Variants in PTPRM observed in about 807,000 individuals in gnomAD.
The protein encoded by PTPRM is protein tyrosine phosphatase receptor type M.
In PTPRM, 47 loss-of-function variants were observed where a neutral mutation model predicts 186.7. That is an observed-to-expected ratio of 0.25 (90% CI 0.20 to 0.32). The LOEUF is 0.32. Ranked by LOEUF, PTPRM falls within the 10% of genes least tolerant of loss-of-function variation. PTPRM has a pLI of 1.00. For missense variants in PTPRM, 1,494 were observed against 1,865.0 expected (o/e 0.80, Z 3.66); for synonymous variants, 668 against 674.9 (o/e 0.99, Z 0.16).
chr18:7,965,928 G>A (rs1303684861), intron 7 of PTPRM, among the ~76,000 whole-genome samples: 1 of 152,152 alleles, frequency 6.6e-6, no homozygotes, highest in African/African-American at 2.4e-5. Context: ...AACTTCATCT[G>A]TAAGGATAAT....
At chr18:8,355,550 G>C (rs150794155) in intron 23 of PTPRM, among the ~76,000 whole-genome samples, 4 of 152,030 alleles carry the variant, frequency 2.6e-5, no homozygotes, top group Non-Finnish European at 5.9e-5. Flanking sequence ...CAAAGGATTT[G>C]GGTGTGGAAG....
At chr18:7,699,171 T>G (rs1472165652) in intron 1 of PTPRM, among the ~76,000 whole-genome samples, 1 of 152,160 alleles carries the variant, frequency 6.6e-6, no homozygotes, top group East Asian at 1.9e-4. Flanking sequence ...AACCAATGCC[T>G]GATGATCTGA....
At chr18:7,735,179 G>A (rs2040742055) in intron 1 of PTPRM, among the ~76,000 whole-genome samples, 1 of 152,166 alleles carries the variant, frequency 6.6e-6, no homozygotes, top group South Asian at 2.1e-4. Flanking sequence ...CACTTTGAGA[G>A]GCTGAGGCAG....
chr18:7,577,800 C>T (rs963822156), intron 1 of PTPRM, among the ~76,000 whole-genome samples: 1 of 152,232 alleles, frequency 6.6e-6, no homozygotes, highest in East Asian at 1.9e-4. Context: ...GGTTCTCCCT[C>T]GTCTCTCTGT....
intron 2 of PTPRM, among the ~76,000 whole-genome samples, chr18:7,871,767 T>C (rs1033806469): frequency 2.0e-5 from 3 of 152,206 alleles, no homozygotes; most frequent in Non-Finnish European, 4.4e-5. Flanking sequence ...AGGGAGGTGT[T>C]CACACCATTG....
At chr18:7,652,513 A>G (rs1015208462) in intron 1 of PTPRM, among the ~76,000 whole-genome samples, 3 of 152,078 alleles carry the variant, frequency 2.0e-5, no homozygotes, top group Non-Finnish European at 4.4e-5. Flanking sequence ...CAAATGTCCA[A>G]CAATGATAGA....
chr18:8,267,576 A>G (rs1759904420), intron 19 of PTPRM, among the ~76,000 whole-genome samples: 1 of 152,162 alleles, frequency 6.6e-6, no homozygotes, highest in African/African-American at 2.4e-5. Context: ...TGTTTCCTTT[A>G]TCTTTTCTAT....
chr18:7,690,219 C>T (rs535422437), intron 1 of PTPRM, among the ~76,000 whole-genome samples: 1 of 152,328 alleles, frequency 6.6e-6, no homozygotes, highest in South Asian at 2.1e-4. Flanking sequence ...CACATAGATT[C>T]ACAATGGCCC....
chr18:8,005,135 A>G (rs1454176773), intron 7 of PTPRM, among the ~76,000 whole-genome samples: 5 of 152,176 alleles, frequency 3.3e-5, no homozygotes, highest in Non-Finnish European at 7.3e-5. Flanking sequence ...TGGCTGGTGA[A>G]TGGTTGCATG....
At chr18:7,963,591 G>A (rs914749008) in intron 7 of PTPRM, among the ~76,000 whole-genome samples, 1 of 152,214 alleles carries the variant, frequency 6.6e-6, no homozygotes, top group African/African-American at 2.4e-5. Flanking sequence ...GTGGCTTCTT[G>A]TGTAGCTTTG....
chr18:8,032,377 T>C lies in PTPRM; in HGVS notation c.1133-37309T>C, dbSNP rs182409658. Among the ~76,000 whole-genome samples the C allele has an allele frequency of 1.8e-3, 268 of 152,310 alleles. 1 individual carries two copies. The highest frequency in any genetic ancestry group is 6.8e-3 in the Middle Eastern group (2 of 294). On this transcript the variant is annotated intron_variant, in intron 7 of 32. Coordinates refer to ENST00000580170, the MANE Select transcript of PTPRM (RefSeq NM_001105244.2). Reference sequence around the variant, plus strand: ...CATAACGTTTCCTCTTATTGTTGTTTCCACTGCTATTCCTAGCTTTCCTAT... The same window carrying C: ...CATAACGTTTCCTCTTATTGTTGTTCCCACTGCTATTCCTAGCTTTCCTAT...
At chr18:7,893,601 A>G (rs1384686761) in intron 3 of PTPRM, among the ~76,000 whole-genome samples, 1 of 152,230 alleles carries the variant, frequency 6.6e-6, no homozygotes, top group Non-Finnish European at 1.5e-5. Context: ...TAAAGAGTAT[A>G]GATCTACTGA....
At chr18:7,991,172 C>A (rs1224878317) in intron 7 of PTPRM, among the ~76,000 whole-genome samples, 1 of 152,146 alleles carries the variant, frequency 6.6e-6, no homozygotes, top group African/African-American at 2.4e-5. Flanking sequence ...CAAAAAAATT[C>A]TCTTTACAAA....
chr18:8,046,390 G>C (rs115511387), intron 7 of PTPRM, among the ~76,000 whole-genome samples: 159 of 152,338 alleles, frequency 1.0e-3, no homozygotes, highest in African/African-American at 3.7e-3. Context: ...AGAGAAGACA[G>C]TTATTTATTG....
chr18:7,965,059 C>A (rs558535846), intron 7 of PTPRM, among the ~76,000 whole-genome samples: 4 of 93,948 alleles, frequency 4.3e-5, no homozygotes, highest in South Asian at 6.9e-4. Context: ...TTTTTTGAGA[C>A]GGAGTTTCGC....
At chr18:7,578,483 C>T (rs950079236) in intron 1 of PTPRM, among the ~76,000 whole-genome samples, 4 of 151,872 alleles carry the variant, frequency 2.6e-5, no homozygotes, top group Non-Finnish European at 4.4e-5. Flanking sequence ...CTATAGGCGC[C>T]CGCCACCATG....
chr18:7,850,926 T>C (rs1227040107), intron 2 of PTPRM, among the ~76,000 whole-genome samples: 1 of 152,236 alleles, frequency 6.6e-6, no homozygotes, highest in Admixed American at 6.5e-5. Context: ...ATACTAGAGT[T>C]ATTTAACTTC....
intron 7 of PTPRM, among the ~76,000 whole-genome samples, chr18:7,986,095 G>A (rs903247932): frequency 6.6e-6 from 1 of 152,068 alleles, no homozygotes; most frequent in Admixed American, 6.6e-5. Context: ...GCTGTCTAAG[G>A]CCCAATGCTC....
At position 8,170,996 on chromosome 18, in the gene PTPRM, A is replaced by G. The variant is rs541425277; in HGVS notation, c.2300+27217A>G. On this transcript the variant is annotated intron_variant, in intron 14 of 32. Transcript: ENST00000580170. ...ATTTTCTGTTGAGCACAGTCTTCCG[A>G]TGGGGCCTCTGTGTGAATGTTCTTC... is the stretch of plus-strand genomic sequence containing the variant. Among the ~76,000 whole-genome samples, 12 of 152,324 alleles carry G rather than the reference A, an allele frequency of 7.9e-5. No homozygotes were observed. In the East Asian group the frequency reaches 2.1e-3, roughly 27 times the overall value.
Sources: allele counts gnomAD v4.1 joint callset (sites outside exome capture counted in the v4.1 genomes callset), GRCh38; gene constraint gnomAD v4.1.1; transcripts MANE v1.5; gene names NCBI Gene and HGNC (gene_info 2026-07-23, HGNC 2026-07-21).